NLK: variants seen among roughly 807,000 people sequenced by gnomAD.
NLK encodes nemo like kinase.
A neutral mutation model predicts 59.0 loss-of-function variants in NLK; 11 were observed. The observed-to-expected ratio is 0.19, with a 90% CI of 0.12 to 0.31. NLK has a LOEUF of 0.31. Ranked by LOEUF, NLK falls within the 10% of genes least tolerant of loss-of-function variation. NLK has a pLI of 1.00. For synonymous variants in NLK, 235 were observed against 235.9 expected, an observed-to-expected ratio of 1.00 and a Z score of 0.03; for missense variants, 410 against 661.1, an observed-to-expected ratio of 0.62 and a Z score of 4.16.
intron 1 of NLK, among the ~76,000 whole-genome samples, chr17:28,120,377 G>A (rs1905990943): frequency 6.6e-6 from 1 of 151,902 alleles, no homozygotes; most frequent in African/African-American, 2.4e-5. Flanking sequence ...CAAAGTGCTG[G>A]GTTTAACAGG....
At chr17:28,082,304 C>A (rs996535038) in intron 1 of NLK, among the ~76,000 whole-genome samples, 1 of 152,134 alleles carries the variant, frequency 6.6e-6, no homozygotes, top group Non-Finnish European at 1.5e-5. Flanking sequence ...AAGAAAACAG[C>A]TTTCTGGGTA....
the NLK span, among the ~76,000 whole-genome samples, chr17:28,202,920 A>G: frequency 9.3e-4 from 139 of 149,144 alleles, no homozygotes; most frequent in Middle Eastern, 3.5e-3. Context: ...CTGACCTCAT[A>G]ATCTGCCCAC....
chr17:28,115,936 C>T (rs1046104037), intron 1 of NLK, among the ~76,000 whole-genome samples: 2 of 149,618 alleles, frequency 1.3e-5, no homozygotes, highest in African/African-American at 4.9e-5. Flanking sequence ...ATAATTAGAC[C>T]CCATTATACC....
chr17:28,077,446 C>T (rs1036975522), intron 1 of NLK, among the ~76,000 whole-genome samples: 3 of 152,126 alleles, frequency 2.0e-5, no homozygotes, highest in Admixed American at 6.5e-5. Context: ...TACCTCCCAC[C>T]GGGTCCCTCC....
At chr17:28,189,995 C>T (rs1005783906) in intron 8 of NLK, among the ~76,000 whole-genome samples, 2 of 151,722 alleles carry the variant, frequency 1.3e-5, no homozygotes, top group Non-Finnish European at 1.5e-5. Context: ...TTAGGGAATC[C>T]GGGCTTATGA....
intron 7 of NLK, among the ~76,000 whole-genome samples, chr17:28,177,390 T>G (rs1470562393): frequency 1.3e-5 from 2 of 152,240 alleles, no homozygotes; most frequent in Non-Finnish European, 2.9e-5. Flanking sequence ...TGTGGCATGT[T>G]TAGTCAAGAC....
chr17:28,137,410 C>G (rs772807398), intron 3 of NLK, among the ~76,000 whole-genome samples: 5 of 151,866 alleles, frequency 3.3e-5, no homozygotes, highest in Non-Finnish European at 7.4e-5. Flanking sequence ...ATAAATAATC[C>G]TAAGTAATTA....
chr17:28,105,468 A>G (rs1030844601), intron 1 of NLK, among the ~76,000 whole-genome samples: 5 of 152,184 alleles, frequency 3.3e-5, no homozygotes, highest in African/African-American at 1.2e-4. Flanking sequence ...AAAGACTGGT[A>G]TGCTTCAGAT....
chr17:28,105,028 A>T (rs1481680647), intron 1 of NLK, among the ~76,000 whole-genome samples: 1 of 152,214 alleles, frequency 6.6e-6, no homozygotes, highest in African/African-American at 2.4e-5. Context: ...TTGACTTAGT[A>T]GCCTTCCATT....
intron 1 of NLK, among the ~76,000 whole-genome samples, chr17:28,102,600 G>A (rs1227260976): frequency 7.0e-6 from 1 of 142,242 alleles, no homozygotes; most frequent in Non-Finnish European, 1.5e-5. Flanking sequence ...AGTGAGCCGA[G>A]ATCACACCAC....
At chr17:28,157,953 T>C (rs941931619) in intron 3 of NLK, among the ~76,000 whole-genome samples, 1 of 152,020 alleles carries the variant, frequency 6.6e-6, no homozygotes, top group Non-Finnish European at 1.5e-5. Context: ...ATTCTAAGAG[T>C]TTAGGATAAA....
chr17:28,194,977 G>A lies in NLK; in HGVS notation c.*341G>A, dbSNP rs1909432612. On this transcript the variant is annotated 3_prime_UTR_variant, in exon 11 of 11. Transcript: ENST00000407008. ...GTTTTTCTTTTCTAAAATGAAGTGA[G>A]ATTGTTCACACACACACACACACAC... is the stretch of plus-strand genomic sequence containing the variant. The A allele has an allele frequency of 5.5e-6, 1 of 181,076 alleles. No homozygotes were observed. Among genetic ancestry groups the A allele is most frequent in the African/African-American group, 2.5e-5 (1 of 40,010 alleles). The allele number at this position is 181,076 out of a possible 1,614,324, so 11.2% of individuals were successfully genotyped here.
At chr17:28,070,003 A>G (rs186013704) in intron 1 of NLK, among the ~76,000 whole-genome samples, 55 of 152,214 alleles carry the variant, frequency 3.6e-4, no homozygotes, top group Admixed American at 6.5e-4. Context: ...TGGGAGGCCG[A>G]GGCAGGCAGA....
chr17:28,109,215 T>G (rs1156851752), intron 1 of NLK, among the ~76,000 whole-genome samples: 1 of 152,018 alleles, frequency 6.6e-6, no homozygotes, highest in Non-Finnish European at 1.5e-5. Flanking sequence ...TCCAGGTGAT[T>G]CCTGTTTGTT....
intron 5 of NLK, among the ~76,000 whole-genome samples, 165 bp downstream of exon 5, chr17:28,163,793 T>C (rs531129355): frequency 2.6e-5 from 4 of 152,334 alleles, no homozygotes; most frequent in African/African-American, 9.6e-5. Flanking sequence ...TAATTTGTAG[T>C]CCTGCCTCAT....
chr17:28,166,020 G>A (rs963643070), intron 5 of NLK, among the ~76,000 whole-genome samples: 1 of 152,160 alleles, frequency 6.6e-6, no homozygotes, highest in Non-Finnish European at 1.5e-5. Context: ...CTTGAGACCA[G>A]CCTGGCCAAC....
chr17:28,170,680 T>C (rs1321041200), intron 6 of NLK, among the ~76,000 whole-genome samples: 1 of 152,244 alleles, frequency 6.6e-6, no homozygotes, highest in East Asian at 1.9e-4. Context: ...TGGATGTGAC[T>C]ACTACCTTGC....
At chr17:28,161,886 T>A (rs1908019280) in intron 4 of NLK, among the ~76,000 whole-genome samples, 1 of 152,126 alleles carries the variant, frequency 6.6e-6, no homozygotes, top group Non-Finnish European at 1.5e-5. Flanking sequence ...CCATTACAAG[T>A]AGAGAATTGC....
intron 3 of NLK, among the ~76,000 whole-genome samples, chr17:28,157,365 AT>A (rs1485134948): frequency 1.3e-5 from 2 of 151,940 alleles, no homozygotes; most frequent in Non-Finnish European, 2.9e-5. Flanking sequence ...TAATTTTTGT[AT>A]TTTTAGTAGA....
Sources: gnomAD v4.1 joint callset for allele counts (sites outside exome capture counted in the v4.1 genomes callset) on GRCh38, gnomAD v4.1.1 for gene constraint, MANE v1.5 for transcripts, NCBI Gene and HGNC (gene_info 2026-07-23, HGNC 2026-07-21) for gene names.